Variants in CORIN observed in about 807,000 individuals in gnomAD.
CORIN encodes the protein corin, serine peptidase, also known as atrial natriuretic peptide-converting enzyme.
CORIN carries 117 observed loss-of-function variants against 125.3 expected under a neutral mutation model. That is an observed-to-expected ratio of 0.93 (90% CI 0.80 to 1.09). CORIN has a LOEUF of 1.09. CORIN is among the 50% of genes least tolerant of loss of function. The pLI, the probability that CORIN is intolerant of heterozygous loss-of-function variation, is 0.00. For synonymous variants in CORIN, 450 were observed against 466.4 expected (o/e 0.96, Z 0.45); for missense variants, 1,253 against 1,306.7 (o/e 0.96, Z 0.63).
intron 3 of CORIN, among the ~76,000 whole-genome samples, chr4:47,774,650 G>T (rs1446757635): frequency 6.6e-6 from 1 of 152,160 alleles, no homozygotes; most frequent in Non-Finnish European, 1.5e-5. Context: ...GGAAAAGGGA[G>T]CAAGTAGACT....
At chr4:47,705,161 T>C (rs1726490077) in intron 5 of CORIN, among the ~76,000 whole-genome samples, 1 of 152,186 alleles carries the variant, frequency 6.6e-6, no homozygotes, top group Non-Finnish European at 1.5e-5. Flanking sequence ...TTTCTACTGC[T>C]TTTTTTCCCC....
chr4:47,771,529 T>G (rs1730028667), intron 3 of CORIN, among the ~76,000 whole-genome samples: 1 of 152,154 alleles, frequency 6.6e-6, no homozygotes, highest in Non-Finnish European at 1.5e-5. Flanking sequence ...ATACAGATTA[T>G]TTCGTCACCC....
At chr4:47,697,910 T>C (rs999507109) in intron 5 of CORIN, among the ~76,000 whole-genome samples, 2 of 152,006 alleles carry the variant, frequency 1.3e-5, no homozygotes, top group African/African-American at 4.8e-5. Flanking sequence ...TATTTTAAGT[T>C]ATTTCATGAG....
intron 13 of CORIN, 141 bp from the exon 14 acceptor site, chr4:47,645,335 G>A (rs1723418740): frequency 1.9e-6 from 1 of 531,556 alleles, no homozygotes; most frequent in African/African-American, 1.9e-5. Context: ...CAGCACTTTG[G>A]GAGGCTGAGG....
At chr4:47,631,572 A>T (rs542978397) in intron 16 of CORIN, among the ~76,000 whole-genome samples, 77 of 152,266 alleles carry the variant, frequency 5.1e-4, no homozygotes, top group South Asian at 3.9e-3. Flanking sequence ...TATGGTGAGT[A>T]GTATAATGAT....
intron 1 of CORIN, among the ~76,000 whole-genome samples, chr4:47,825,708 T>TG (rs1266463803): frequency 1.9e-4 from 28 of 147,240 alleles, no homozygotes; most frequent in African/African-American, 6.7e-4. Flanking sequence ...TTTTTTTTTT[T>TG]TTTTTTTTTT....
At chr4:47,623,090 CTCTCTCTA>C (rs1456297077) in intron 19 of CORIN, among the ~76,000 whole-genome samples, 13 of 114,948 alleles carry the variant, frequency 1.1e-4, no homozygotes, top group African/African-American at 1.5e-4. Flanking sequence ...CTCTCTCTCT[CTCTCTCTA>C]TATATATATA....
chr4:47,616,163 GGGT>G (rs1722060183), intron 19 of CORIN, among the ~76,000 whole-genome samples: 2 of 152,048 alleles, frequency 1.3e-5, no homozygotes, highest in Non-Finnish European at 2.9e-5. Context: ...TGAAGTTGGT[GGGT>G]GGTGGTGATT....
chr4:47,618,905 CA>C (rs1722191687), intron 19 of CORIN, among the ~76,000 whole-genome samples: 2 of 151,968 alleles, frequency 1.3e-5, no homozygotes, highest in Admixed American at 1.3e-4. Flanking sequence ...AGCCACCAAC[CA>C]AAAATCTTGT....
At chr4:47,664,544 T>C (rs761773649) in intron 11 of CORIN, among the ~76,000 whole-genome samples, 10 of 152,096 alleles carry the variant, frequency 6.6e-5, no homozygotes, top group Non-Finnish European at 1.2e-4. Context: ...GCTCTTGAAA[T>C]AGCGCATCTT....
chr4:47,724,988 G>A (rs1727522192), intron 5 of CORIN, among the ~76,000 whole-genome samples: 1 of 152,096 alleles, frequency 6.6e-6, no homozygotes, highest in South Asian at 2.1e-4. Flanking sequence ...TTAGAACAAT[G>A]TTTACCATAA....
At chr4:47,666,665 T>C (rs1724497183) in intron 10 of CORIN, among the ~76,000 whole-genome samples, 1 of 152,038 alleles carries the variant, frequency 6.6e-6, no homozygotes, top group African/African-American at 2.4e-5. Context: ...GGGATTAAAG[T>C]CCTTATAAGA....
chr4:47,739,014 A>T (rs148519299), intron 5 of CORIN, among the ~76,000 whole-genome samples: 1,530 of 152,050 alleles, frequency 0.01, 17 homozygotes, highest in Non-Finnish European at 0.014. Flanking sequence ...GAGATTATCT[A>T]GTCTAAGGAA....
At chr4:47,665,688 G>A (rs1430170586) in intron 10 of CORIN, among the ~76,000 whole-genome samples, 1 of 152,192 alleles carries the variant, frequency 6.6e-6, no homozygotes, top group Non-Finnish European at 1.5e-5. Context: ...TAGGCAAGTA[G>A]ATAACTTCTG....
chr4:47,637,805 A>AC (rs1022883197), intron 16 of CORIN, among the ~76,000 whole-genome samples: 1 of 152,052 alleles, frequency 6.6e-6, no homozygotes, highest in Non-Finnish European at 1.5e-5. Flanking sequence ...GGAGTCAGAG[A>AC]CCCCCACAAA....
intron 5 of CORIN, among the ~76,000 whole-genome samples, chr4:47,732,540 A>G (rs928301157): frequency 4.0e-5 from 6 of 150,760 alleles, no homozygotes; most frequent in Admixed American, 2.6e-4. Context: ...GTTGCCCACT[A>G]TGGTAGCTGG....
chr4:47,653,724 T>C, intron 12 of CORIN, 64 bp from the exon 13 acceptor site: 1 of 1,384,312 alleles, frequency 7.2e-7, no homozygotes, highest in Middle Eastern at 1.8e-4. Context: ...ATTTATGTAT[T>C]TACATGTAGG....
At position 47,674,073 on chromosome 4, in the gene CORIN, A is replaced by T. The variant is rs185343855; in HGVS notation, c.1357+320T>A. The stretch of plus-strand genomic sequence containing the variant: ...CCATTTTTGAAGCTATGCTTTAAAA[A>T]GGAAGAAAGATAGCATCTGCCTACA... On this transcript the variant is annotated intron_variant, in intron 10 of 21. Coordinates refer to ENST00000273857, the MANE Select transcript of CORIN (RefSeq NM_006587.4). 1.8e-3 allele frequency among the ~76,000 whole-genome samples: 279 copies of T among 152,346 alleles called. 3 individuals carry two copies. Among genetic ancestry groups the T allele is most frequent in the Admixed American group, 0.016 (238 of 15,302 alleles).
At chr4:47,790,101 C>T (rs973895330) in intron 2 of CORIN, 12 of 430,320 alleles carry the variant, frequency 2.8e-5, no homozygotes, top group Non-Finnish European at 3.4e-5. Context: ...TCATTCTTTT[C>T]TACATTTCTA....
Sources: allele counts gnomAD v4.1 joint callset (sites outside exome capture counted in the v4.1 genomes callset), GRCh38; gene constraint gnomAD v4.1.1; transcripts MANE v1.5; gene names NCBI Gene and HGNC (gene_info 2026-07-23, HGNC 2026-07-21).